The following CYCS variants were observed in gnomAD, a reference collection of about 807,000 sequenced individuals.
CYCS encodes the protein cytochrome c.
For missense variants in CYCS, 87 were observed against 125.3 expected (o/e 0.69, Z 1.46); for synonymous variants, 41 against 43.0 (o/e 0.95, Z 0.18).
intron 1 of CYCS, chr7:25,124,841 C>G (rs1562516372): frequency 1.3e-5 from 2 of 152,676 alleles, no homozygotes; most frequent in Admixed American, 1.3e-4. Flanking sequence ...ACAGCTTTTG[C>G]CCTCTGAAGA....
Position 25,121,424 on chromosome 7 carries a change from TCCC to T in CYCS, c.*2274_*2276del, listed in dbSNP as rs1783361117. The T allele has an allele frequency of 6.6e-6, 1 of 151,938 alleles. No homozygotes were observed. The allele number at this position is 151,938 out of a possible 1,614,324, so 9.4% of individuals were successfully genotyped here. A position where few individuals can be genotyped will look rare whatever the true frequency, so the allele number is the denominator to read the frequency against. On this transcript the variant is annotated 3_prime_UTR_variant, in exon 3 of 3. Transcript: ENST00000305786. ...CAGGCGTGGTGGCGGGTGCCTGTAA[TCCC>T]AGCTACTCAGGAGGCTGAGGCAGGA...
rs772205100 is a variant in CYCS at position 25,124,141 on chromosome 7, C to T, written c.-8-14G>A. 4 of 1,608,344 alleles carry T rather than the reference C, an allele frequency of 2.5e-6. No homozygotes were observed. The highest frequency in any genetic ancestry group is 1.1e-5 in the South Asian group (1 of 90,974). The stretch of plus-strand genomic sequence containing the variant: ...CCATATTTAATTCTAAAAACGAAAG[C>T]TTCAACTTAGTAAATTTTTCCTCAG... On this transcript the variant is annotated splice_polypyrimidine_tract_variant and intron_variant, in intron 1 of 2. Transcript: ENST00000305786.
In CYCS at chr7:25,123,709, T is replaced by C. The variant is rs762445734; in HGVS notation, c.310A>G (p.Asn104Asp). 5 of 1,600,544 alleles carry C rather than the reference T, an allele frequency of 3.1e-6. No individual in the cohort carries two copies. The Admixed American group carries it at 6.7e-5, about 21-fold the overall frequency. ...DLIAYLKKAT[N>D]E ...AAGGCAGTGGCCAATTATTACTCAT[T>C]AGTAGCTTTTTTGAGATAAGCTATT... Residue 104 changes from asparagine to aspartate, a missense_variant, in exon 3 of 3, where the codon AAT becomes GAT. Transcript: ENST00000305786.
chr7:25,119,232 C>T lies in CYCS; in HGVS notation c.*4469G>A, dbSNP rs1006824934. 1.3e-5 allele frequency among the ~76,000 whole-genome samples: 2 copies of T among 152,210 alleles called. No homozygotes were observed. Among genetic ancestry groups the T allele is most frequent in the African/African-American group, 4.8e-5 (2 of 41,436 alleles). ...ATTGGTTTTCAGAATATACTGATGA[C>T]GGATTGCCAAAAGAGCTCATGAATG... is the stretch of plus-strand genomic sequence containing the variant. On this transcript the variant is annotated 3_prime_UTR_variant, in exon 3 of 3. Transcript: ENST00000305786.
At position 25,123,828 on chromosome 7, in the gene CYCS, G is replaced by A. The variant is rs1274494750; in HGVS notation, c.191C>T (p.Thr64Ile). The stretch of plus-strand genomic sequence containing the variant: ...GGGATTCTCCAAATACTCCATCAGT[G>A]TATCCTCTCCCCAGATGATGCCTAA... ...KNKGIIWGED[T>I]LMEYLENPKK... The change falls in exon 3 of 3, where the codon ACA (threonine) becomes ATA (isoleucine). Residue 64 changes from threonine (T) to isoleucine (I), a missense_variant. Physicochemically the swap from Thr to Ile is moderately conservative, Grantham distance 89. Transcript: ENST00000305786. The A allele has an allele frequency of 6.2e-7, 1 of 1,613,890 alleles. No individual in the cohort carries two copies. The highest frequency in any genetic ancestry group is 1.3e-5 in the African/African-American group (1 of 74,914).
Position 25,123,613 on chromosome 7 carries a change from C to A in CYCS, c.*88G>T. The A allele has an allele frequency of 8.8e-7, 1 of 1,139,360 alleles. No homozygotes were observed. 70.6% of individuals were successfully genotyped at this position (1,139,360 alleles called of 1,614,324 possible). A position where few individuals can be genotyped will look rare whatever the true frequency, so the allele number is the denominator to read the frequency against. ...CTGTCAGTCATTCATGATCTGAATT[C>A]TGGTGTATGAGATCTATTAAAGGAT... On this transcript the variant is annotated 3_prime_UTR_variant, in exon 3 of 3. Coordinates refer to ENST00000305786, the MANE Select transcript of CYCS (RefSeq NM_018947.6).
rs886062235 is a variant in CYCS, at chr7:25,120,087, T to C, written c.*3614A>G. The C allele has an allele frequency of 1.6e-4, 22 of 134,728 alleles. No individual in the cohort carries two copies. The highest frequency in any genetic ancestry group is 2.9e-4 in the Non-Finnish European group (19 of 65,076). 8.3% of individuals were successfully genotyped at this position (134,728 alleles called of 1,614,324 possible). A position where few individuals can be genotyped will look rare whatever the true frequency, so the allele number is the denominator to read the frequency against. On this transcript the variant is annotated 3_prime_UTR_variant, in exon 3 of 3. Transcript: ENST00000305786. ...CAATATAATGTACTTCCAAGAATTC[T>C]AGATTTTTTTTTTTTTTTGGAGACA...
rs1783390786 is a variant in CYCS at position 25,123,295 on chromosome 7, G to A, written c.*406C>T. 8.9e-6 allele frequency: 2 copies of A among 223,738 alleles called. No homozygotes were observed. The highest frequency in any genetic ancestry group is 1.3e-4 in the South Asian group (2 of 15,666). 13.9% of individuals were successfully genotyped at this position (223,738 alleles called of 1,614,324 possible). A position where few individuals can be genotyped will look rare whatever the true frequency, so the allele number is the denominator to read the frequency against. ...ATGAACATGAACACAAAACACAGGTGAATCTTGCTTGGTTCTAAGACAGTG... is the reference window on the plus strand; with the variant it reads ...ATGAACATGAACACAAAACACAGGTAAATCTTGCTTGGTTCTAAGACAGTG... On this transcript the variant is annotated 3_prime_UTR_variant, in exon 3 of 3. Coordinates refer to ENST00000305786, the MANE Select transcript of CYCS (RefSeq NM_018947.6).
rs138309805 is a variant in CYCS, at chr7:25,118,851, C to G, written c.*4850G>C. ...ATGTTTAAATGTTCATAGACACATA[C>G]AACCTGCACTTTTACTCTTTGAGAA... On this transcript the variant is annotated 3_prime_UTR_variant, in exon 3 of 3. Coordinates refer to ENST00000305786, the MANE Select transcript of CYCS (RefSeq NM_018947.6). 1.1e-3 allele frequency among the ~76,000 whole-genome samples: 163 copies of G among 152,256 alleles called. 2 individuals are homozygous for G. The East Asian group carries it at 0.03, about 28-fold the overall frequency.
chr7:25,122,809 CA>C lies in CYCS; in HGVS notation c.*891del, dbSNP rs1454565490. On this transcript the variant is annotated 3_prime_UTR_variant, in exon 3 of 3. Transcript: ENST00000305786. The stretch of plus-strand genomic sequence containing the variant: ...AAAATTTGTGCATCAGTCATGAAAT[CA>C]AGCACAGTCAAAAAGTCATGATCTG... The C allele has an allele frequency of 2.0e-5, 3 of 152,234 alleles. No individual in the cohort carries two copies. The highest frequency in any genetic ancestry group is 7.2e-5 in the African/African-American group (3 of 41,470). 9.4% of individuals were successfully genotyped at this position (152,234 alleles called of 1,614,324 possible). A position where few individuals can be genotyped will look rare whatever the true frequency, so the allele number is the denominator to read the frequency against.
At position 25,125,257 on chromosome 7, in the gene CYCS, C is replaced by CT. The variant is rs1783429808; in HGVS notation, c.-67dup. The CT allele has an allele frequency of 3.3e-5, 5 of 152,760 alleles. No individual in the cohort carries two copies. The South Asian group carries it at 1.0e-3, about 32-fold the overall frequency. The allele number at this position is 152,760 out of a possible 1,614,324, so 9.5% of individuals were successfully genotyped here. ...CGCTCCGAAGCCGGACGTCCCCACT[C>CT]TCTAAGTCCAAGGACACGCCGGTCC... On this transcript the variant is annotated 5_prime_UTR_variant, in exon 1 of 3. Coordinates refer to ENST00000305786, the MANE Select transcript of CYCS (RefSeq NM_018947.6).
rs1267180333 is a variant in CYCS, at chr7:25,123,090, T to C, written c.*611A>G. On this transcript the variant is annotated 3_prime_UTR_variant, in exon 3 of 3. Transcript: ENST00000305786. ...AAAAGCATGTGACCTTATAGATCTG[T>C]AAGATGTGAGAGGTGTTGAATAATC... 1 of 154,638 alleles carries C rather than the reference T, an allele frequency of 6.5e-6. No homozygotes were observed. Among genetic ancestry groups the C allele is most frequent in the Non-Finnish European group, 1.4e-5 (1 of 69,576 alleles). 9.6% of individuals were successfully genotyped at this position (154,638 alleles called of 1,614,324 possible).
At position 25,124,060 on chromosome 7, in the gene CYCS, G is replaced by A. The variant is rs778031575; in HGVS notation, c.60C>T (p.Thr20=). Residue 20 remains threonine (T), a synonymous_variant, in exon 2 of 3, where the codon ACC becomes ACT. Coordinates refer to ENST00000305786, the MANE Select transcript of CYCS (RefSeq NM_018947.6). ...IFIMKCSQCH[T]VEKGGKHKTG... Reference sequence around the variant, plus strand: ...TCTTGTGCTTGCCTCCCTTTTCAACGGTGTGGCACTGGGAACACTTCATAA... The same window carrying A: ...TCTTGTGCTTGCCTCCCTTTTCAACAGTGTGGCACTGGGAACACTTCATAA... 25 of 1,613,564 alleles carry A rather than the reference G, an allele frequency of 1.5e-5. No individual in the cohort carries two copies. The highest frequency in any genetic ancestry group is 4.0e-5 in the African/African-American group (3 of 74,930).
At position 25,122,425 on chromosome 7, in the gene CYCS, A is replaced by G. The variant is rs1253848906; in HGVS notation, c.*1276T>C. 3 of 152,160 alleles carry G rather than the reference A, an allele frequency of 2.0e-5. No individual in the cohort carries two copies. Among genetic ancestry groups the G allele is most frequent in the African/African-American group, 7.2e-5 (3 of 41,444 alleles). The allele number at this position is 152,160 out of a possible 1,614,324, so 9.4% of individuals were successfully genotyped here. A position where few individuals can be genotyped will look rare whatever the true frequency, so the allele number is the denominator to read the frequency against. ...ACAGTTCTCAGCTGCACCAGCATAG[A>G]TTTATTTTCTCATTATTCTTTATGA... On this transcript the variant is annotated 3_prime_UTR_variant, in exon 3 of 3. Coordinates refer to ENST00000305786, the MANE Select transcript of CYCS (RefSeq NM_018947.6).
intron 1 of CYCS, chr7:25,124,856 C>T (rs956685711): frequency 1.3e-5 from 2 of 152,616 alleles, no homozygotes; most frequent in African/African-American, 2.4e-5. Flanking sequence ...TGAAGAAGAA[C>T]GTGAAGCTCT....
chr7:25,125,172 AGGTGC>A, intron 1 of CYCS, 23 bp downstream of exon 1: 1 of 152,744 alleles, frequency 6.5e-6, no homozygotes, highest in South Asian at 2.1e-4. Flanking sequence ...GCCTCTAACC[AGGTGC>A]GGCCTCCGCG....
Position 25,123,822 on chromosome 7 carries a change from A to T in CYCS, c.197T>A (p.Met66Lys). ...CTTCTTGGGATTCTCCAAATACTCC[A>T]TCAGTGTATCCTCTCCCCAGATGAT... ...KGIIWGEDTL[M>K]EYLENPKKYI... is the part of the protein sequence containing the mutation. Residue 66 changes from methionine to lysine, a missense_variant, in exon 3 of 3, where the codon ATG becomes AAG. Physicochemically the swap from Met to Lys is moderately conservative, Grantham distance 95 (BLOSUM62 -1). Coordinates refer to ENST00000305786, the MANE Select transcript of CYCS (RefSeq NM_018947.6). 6.2e-7 allele frequency: 1 copy of T among 1,614,092 alleles called. No homozygotes were observed. Among genetic ancestry groups the T allele is most frequent in the South Asian group, 1.1e-5 (1 of 91,088 alleles).
Position 25,122,397 on chromosome 7 carries a change from G to C in CYCS, c.*1304C>G, listed in dbSNP as rs1226049593. The C allele has an allele frequency of 6.6e-6, 1 of 152,170 alleles. No homozygotes were observed. The highest frequency in any genetic ancestry group is 1.5e-5 in the Non-Finnish European group (1 of 68,030). The allele number at this position is 152,170 out of a possible 1,614,324, so 9.4% of individuals were successfully genotyped here. On this transcript the variant is annotated 3_prime_UTR_variant, in exon 3 of 3. Transcript: ENST00000305786. ...CTCAGTCTTCTCACTGTCCCACAAA[G>C]ATACAGTTCTCAGCTGCACCAGCAT...
rs577216159 is a variant in CYCS at position 25,122,120 on chromosome 7, T to G, written c.*1581A>C. On this transcript the variant is annotated 3_prime_UTR_variant, in exon 3 of 3. Coordinates refer to ENST00000305786, the MANE Select transcript of CYCS (RefSeq NM_018947.6). ...AGCTACTTGCTACACTGTCCCTGAA[T>G]ACCACTAACTTTATACAGTCACCAA... 2 of 152,038 alleles carry G rather than the reference T, an allele frequency of 1.3e-5. No homozygotes were observed. Among genetic ancestry groups the G allele is most frequent in the African/African-American group, 2.4e-5 (1 of 41,372 alleles). 9.4% of individuals were successfully genotyped at this position (152,038 alleles called of 1,614,324 possible).
Sources: gnomAD v4.1 joint callset for allele counts (sites outside exome capture counted in the v4.1 genomes callset) on GRCh38, gnomAD v4.1.1 for gene constraint, MANE v1.5 for transcripts, NCBI Gene and HGNC (gene_info 2026-07-23, HGNC 2026-07-21) for gene names.